The following RARB variants were observed in gnomAD, a reference collection of about 807,000 sequenced individuals.
RARB encodes retinoic acid receptor beta.
RARB carries 17 observed loss-of-function variants against 51.9 expected under a neutral mutation model. The ratio of observed to expected loss-of-function variants is 0.33; its 90% CI spans 0.22 to 0.49. The LOEUF is 0.49. Ranked by LOEUF, RARB falls within the 20% of genes least tolerant of loss-of-function variation. RARB has a pLI of 0.99. For missense variants in RARB, 369 were observed against 550.8 expected (o/e 0.67, Z 3.30); for synonymous variants, 215 against 195.4 (o/e 1.10, Z -0.84).
intron 3 of RARB, among the ~76,000 whole-genome samples, chr3:25,068,785 C>T (rs1575145095): frequency 6.6e-6 from 1 of 152,056 alleles, no homozygotes. Context: ...ATAATGGCGG[C>T]CCTCCTTTCC....
At position 25,245,159 on chromosome 3, in the gene RARB, A is replaced by T. The variant is rs185459612; in HGVS notation, c.178+70584A>T. On this transcript the variant is annotated intron_variant, in intron 5 of 11. Transcript: ENST00000383772. ...TTTTTTTGCTTTCCATTTGCTTGGT[A>T]AATCTTCCTCCATCCCTTTATTTTG... Among the ~76,000 whole-genome samples the T allele has an allele frequency of 1.4e-4, 21 of 152,248 alleles. No homozygotes were observed. The East Asian group carries it at 3.7e-3, about 27-fold the overall frequency.
At chr3:25,054,628 G>C (rs1027131788) in intron 2 of RARB, among the ~76,000 whole-genome samples, 1 of 152,194 alleles carries the variant, frequency 6.6e-6, no homozygotes, top group African/African-American at 2.4e-5. Context: ...TGAGGGGAAA[G>C]GGGGAGCAGG....
chr3:24,965,035 C>A (rs1054978880), intron 2 of RARB, among the ~76,000 whole-genome samples: 3 of 152,112 alleles, frequency 2.0e-5, no homozygotes, highest in Non-Finnish European at 4.4e-5. Context: ...AGAACTGGAA[C>A]TAAATTCTAG....
intron 5 of RARB, among the ~76,000 whole-genome samples, chr3:25,316,299 G>A (rs1704423141): frequency 6.6e-6 from 1 of 152,042 alleles, no homozygotes; most frequent in Non-Finnish European, 1.5e-5. Flanking sequence ...GTGACATATA[G>A]TATTAGAGGA....
chr3:25,312,615 G>A (rs1345007390), intron 5 of RARB, among the ~76,000 whole-genome samples: 2 of 152,200 alleles, frequency 1.3e-5, no homozygotes, highest in Non-Finnish European at 2.9e-5. Context: ...AGAAGCCTGA[G>A]ATAATAATGC....
At chr3:24,972,843 TGC>T (rs1696430932) in intron 2 of RARB, among the ~76,000 whole-genome samples, 1 of 152,012 alleles carries the variant, frequency 6.6e-6, no homozygotes, top group South Asian at 2.1e-4. Flanking sequence ...CAAGTTTATT[TGC>T]TACTGAGTTG....
chr3:25,590,523 TGTG>T (rs1339406098), intron 5 of RARB, among the ~76,000 whole-genome samples: 1 of 152,184 alleles, frequency 6.6e-6, no homozygotes, highest in Non-Finnish European at 1.5e-5. Flanking sequence ...ACTTTGTTGT[TGTG>T]GTGGTGGTTG....
intron 3 of RARB, among the ~76,000 whole-genome samples, chr3:25,566,698 G>A (rs904803468): frequency 5.9e-5 from 9 of 152,240 alleles, no homozygotes; most frequent in South Asian, 2.1e-4. Flanking sequence ...GGGTTTGCTC[G>A]TCTGAGTTTT....
At chr3:25,067,181 T>C (rs868811245) in intron 3 of RARB, among the ~76,000 whole-genome samples, 2 of 152,058 alleles carry the variant, frequency 1.3e-5, no homozygotes, top group Non-Finnish European at 2.9e-5. Flanking sequence ...GGAGAGGTGA[T>C]TTGAGCGTCC....
chr3:24,910,155 C>T (rs911878875), intron 2 of RARB, among the ~76,000 whole-genome samples: 19 of 152,078 alleles, frequency 1.2e-4, no homozygotes, highest in African/African-American at 4.3e-4. Flanking sequence ...TTTTACTCCA[C>T]CATGTTTCTA....
intron 5 of RARB, among the ~76,000 whole-genome samples, chr3:25,270,924 G>A (rs746446091): frequency 1.3e-5 from 2 of 152,156 alleles, no homozygotes; most frequent in Non-Finnish European, 2.9e-5. Context: ...GTTTTGTGTC[G>A]GGGCTTAAGC....
intron 1 of RARB, among the ~76,000 whole-genome samples, chr3:25,450,866 C>T (rs1415551692): frequency 6.6e-6 from 1 of 152,110 alleles, no homozygotes; most frequent in African/African-American, 2.4e-5. Flanking sequence ...AGGAGGATCA[C>T]CTGAGGTCAG....
chr3:25,352,112 T>G (rs766370868), intron 5 of RARB, among the ~76,000 whole-genome samples: 1 of 152,140 alleles, frequency 6.6e-6, no homozygotes, highest in Non-Finnish European at 1.5e-5. Flanking sequence ...AGTGGCCCAG[T>G]TGAACTTCTG....
At chr3:25,291,923 C>T (rs190551881) in intron 5 of RARB, among the ~76,000 whole-genome samples, 2 of 152,224 alleles carry the variant, frequency 1.3e-5, no homozygotes, top group East Asian at 3.9e-4. Context: ...TAATCTTTAA[C>T]CCAGGACTTT....
chr3:25,005,180 A>G (rs1198771875), intron 2 of RARB, among the ~76,000 whole-genome samples: 1 of 152,176 alleles, frequency 6.6e-6, no homozygotes. Context: ...ACTTCTCTTG[A>G]ATGAAATAGC....
intron 2 of RARB, among the ~76,000 whole-genome samples, chr3:25,048,383 T>C (rs1207002320): frequency 6.6e-6 from 1 of 152,212 alleles, no homozygotes; most frequent in Non-Finnish European, 1.5e-5. Flanking sequence ...CCCCATCCAA[T>C]ATATGATATC....
intron 5 of RARB, among the ~76,000 whole-genome samples, chr3:25,280,594 A>T (rs1703499142): frequency 6.6e-6 from 1 of 152,174 alleles, no homozygotes; most frequent in African/African-American, 2.4e-5. Context: ...TTGAAAAAAC[A>T]GTGCCTCCCA....
chr3:25,585,395 A>T (rs571153503), intron 5 of RARB, among the ~76,000 whole-genome samples: 1 of 152,304 alleles, frequency 6.6e-6, no homozygotes, highest in Admixed American at 6.5e-5. Flanking sequence ...GGAGGGCAAA[A>T]TTGCTTTTGC....
chr3:25,133,830 A>AG (rs869289778), intron 4 of RARB, among the ~76,000 whole-genome samples: 2 of 98,274 alleles, frequency 2.0e-5, no homozygotes, highest in African/African-American at 3.9e-5. Flanking sequence ...TGACACAAGG[A>AG]GGGGGGAAGG....
Sources: gnomAD v4.1 joint callset for allele counts (sites outside exome capture counted in the v4.1 genomes callset) on GRCh38, gnomAD v4.1.1 for gene constraint, MANE v1.5 for transcripts, NCBI Gene and HGNC (gene_info 2026-07-23, HGNC 2026-07-21) for gene names.